Variants in ADAMTS9 observed in about 807,000 individuals in gnomAD.
ADAMTS9 encodes A disintegrin and metalloproteinase with thrombospondin motifs 9.
In ADAMTS9, 107 loss-of-function variants were observed where a neutral mutation model predicts 257.1. The observed-to-expected ratio is 0.42, with a 90% CI of 0.36 to 0.49. ADAMTS9 has a LOEUF of 0.49. Among genes scored for constraint, ADAMTS9 ranks in the 20% least tolerant of loss-of-function variants. The pLI, the probability that ADAMTS9 is intolerant of heterozygous loss-of-function variation, is 0.03. For synonymous variants in ADAMTS9, 982 were observed against 880.9 expected (o/e 1.11, Z -2.03); for missense variants, 2,353 against 2,469.1 (o/e 0.95, Z 1.00).
intron 31 of ADAMTS9, chr3:64,550,632 G>A (rs1035741642): frequency 3.3e-5 from 15 of 449,196 alleles, no homozygotes; most frequent in Non-Finnish European, 5.5e-5. Flanking sequence ...TCTTCTTTAT[G>A]CCAATAGGAC....
intron 37 of ADAMTS9, among the ~76,000 whole-genome samples, chr3:64,534,780 G>A (rs2083027383): frequency 6.6e-6 from 1 of 152,118 alleles, no homozygotes; most frequent in Admixed American, 6.6e-5. Flanking sequence ...CAACTGTGGG[G>A]GGGCAGGGAA....
intron 28 of ADAMTS9, among the ~76,000 whole-genome samples, chr3:64,580,622 G>A (rs1297279293): frequency 1.3e-5 from 2 of 152,176 alleles, no homozygotes; most frequent in African/African-American, 4.8e-5. Flanking sequence ...CTGGCCTGAG[G>A]TTGCTGGGTG....
intron 29 of ADAMTS9, among the ~76,000 whole-genome samples, chr3:64,566,640 G>A (rs1040315538): frequency 2.0e-5 from 3 of 152,104 alleles, no homozygotes; most frequent in Non-Finnish European, 4.4e-5. Context: ...AAGAGCAAAA[G>A]ATTCTTTTAA....
intron 3 of ADAMTS9, among the ~76,000 whole-genome samples, chr3:64,668,989 T>C (rs1701417741): frequency 6.6e-6 from 1 of 152,136 alleles, no homozygotes; most frequent in African/African-American, 2.4e-5. Flanking sequence ...GCTGAAACCC[T>C]TTTGCATCAC....
chr3:64,589,907 C>G (rs1444011859), intron 28 of ADAMTS9: 2 of 152,118 alleles, frequency 1.3e-5, no homozygotes, highest in African/African-American at 2.4e-5. Context: ...ATGCTGTAAG[C>G]CTTTTACAGT....
chr3:64,622,399 G>A (rs1342103661), intron 17 of ADAMTS9, 21 bp downstream of exon 17: 2 of 1,613,168 alleles, frequency 1.2e-6, no homozygotes, highest in Non-Finnish European at 1.7e-6. Flanking sequence ...AAGGGTGGTG[G>A]GCTCATGGTC....
chr3:64,525,713 C>T (rs1378055066), intron 38 of ADAMTS9, among the ~76,000 whole-genome samples: 16 of 151,916 alleles, frequency 1.1e-4, no homozygotes, highest in East Asian at 1.9e-4. Context: ...CGGGTTCAAG[C>T]GATTCTCCTG....
intron 3 of ADAMTS9, among the ~76,000 whole-genome samples, chr3:64,671,455 A>G (rs1701485557): frequency 6.6e-6 from 1 of 152,242 alleles, no homozygotes; most frequent in Admixed American, 6.5e-5. Context: ...TAAATTATAC[A>G]TTAATAGAAA....
chr3:64,558,488 AG>A (rs1262317329), intron 30 of ADAMTS9, among the ~76,000 whole-genome samples: 1 of 152,128 alleles, frequency 6.6e-6, no homozygotes, highest in African/African-American at 2.4e-5. Context: ...ATACAACTCT[AG>A]GGGACGCTCC....
chr3:64,521,238 C>T (rs1332406122), intron 39 of ADAMTS9, among the ~76,000 whole-genome samples: 1 of 152,034 alleles, frequency 6.6e-6, no homozygotes, highest in Non-Finnish European at 1.5e-5. Flanking sequence ...AAGTCAAAAC[C>T]ACACTGAGAT....
intron 38 of ADAMTS9, among the ~76,000 whole-genome samples, chr3:64,528,148 A>T (rs1384649680): frequency 6.6e-6 from 1 of 152,000 alleles, no homozygotes; most frequent in Non-Finnish European, 1.5e-5. Context: ...GGAAGACAAA[A>T]AGCCCCGTAA....
At chr3:64,547,752 C>T (rs906210981) in intron 31 of ADAMTS9, among the ~76,000 whole-genome samples, 4 of 152,112 alleles carry the variant, frequency 2.6e-5, no homozygotes, top group African/African-American at 7.2e-5. Context: ...CTCATCTGTA[C>T]TCTTTTATCC....
chr3:64,635,101 C>A (rs1160950959), intron 12 of ADAMTS9, among the ~76,000 whole-genome samples: 1 of 152,194 alleles, frequency 6.6e-6, no homozygotes. Context: ...CCAATCTAAT[C>A]TGATCCAATT....
At chr3:64,581,272 A>G (rs1363508484) in intron 28 of ADAMTS9, among the ~76,000 whole-genome samples, 1 of 152,214 alleles carries the variant, frequency 6.6e-6, no homozygotes, top group East Asian at 1.9e-4. Context: ...TAACTACTGA[A>G]GTGGAGAAGG....
intron 12 of ADAMTS9, among the ~76,000 whole-genome samples, chr3:64,640,291 G>T (rs2106917376): frequency 6.6e-6 from 1 of 152,280 alleles, no homozygotes; most frequent in Admixed American, 6.5e-5. Flanking sequence ...ACCAGGGCTT[G>T]CAAACCAGTT....
chr3:64,561,064 C>T (rs113675970), intron 30 of ADAMTS9, among the ~76,000 whole-genome samples: 19 of 129,998 alleles, frequency 1.5e-4, no homozygotes, highest in African/African-American at 6.2e-4. Flanking sequence ...CAGATACCAT[C>T]CTTTTTTTTT....
chr3:64,631,287 C>T (rs1037712271), intron 16 of ADAMTS9, among the ~76,000 whole-genome samples, 168 bp downstream of exon 16: 5 of 152,100 alleles, frequency 3.3e-5, no homozygotes, highest in Admixed American at 6.6e-5. Flanking sequence ...ACTCTGAGGG[C>T]GTATGTATGA....
intron 29 of ADAMTS9, chr3:64,563,059 A>G (rs368268617): frequency 2.0e-5 from 3 of 152,202 alleles, no homozygotes; most frequent in Admixed American, 6.5e-5. Flanking sequence ...TTTGGGCTCA[A>G]TTGTATTAAT....
At chr3:64,622,354 G>A (rs772373640) in intron 17 of ADAMTS9, 27 bp from the exon 18 acceptor site, 44 of 1,612,826 alleles carry the variant, frequency 2.7e-5, no homozygotes, top group Non-Finnish European at 3.2e-5. Flanking sequence ...AAACAGAAAC[G>A]AACTGGGTGG....
Sources: gnomAD v4.1 joint callset for allele counts (sites outside exome capture counted in the v4.1 genomes callset) on GRCh38, gnomAD v4.1.1 for gene constraint, MANE v1.5 for transcripts, NCBI Gene and HGNC (gene_info 2026-07-23, HGNC 2026-07-21) for gene names.